ARHGEF37: variants seen among roughly 807,000 people sequenced by gnomAD.
The protein encoded by ARHGEF37 is Rho guanine nucleotide exchange factor 37.
In ARHGEF37, 55 loss-of-function variants were observed where a neutral mutation model predicts 71.1. The observed-to-expected ratio is 0.77, with a 90% confidence interval of 0.62 to 0.97. The LOEUF is 0.97. Among genes scored for constraint, ARHGEF37 ranks in the 50% least tolerant of loss-of-function variants. The pLI, the probability that ARHGEF37 is intolerant of heterozygous loss-of-function variation, is 0.00. For missense variants in ARHGEF37, 765 were observed against 836.8 expected (o/e 0.91, Z 1.06); for synonymous variants, 327 against 350.6 (o/e 0.93, Z 0.75).
chr5:149,619,836 G>A (rs1233178103), intron 7 of ARHGEF37, among the ~76,000 whole-genome samples: 1 of 152,172 alleles, frequency 6.6e-6, no homozygotes, highest in Non-Finnish European at 1.5e-5. Flanking sequence ...TTGGAAGGCC[G>A]AGGCGGGAAG....
chr5:149,601,121 A>T lies in ARHGEF37; in HGVS notation c.200A>T (p.Asp67Val). 1 of 1,611,516 alleles carries T rather than the reference A, an allele frequency of 6.2e-7. No individual in the cohort carries two copies. The highest frequency in any genetic ancestry group is 8.5e-7 in the Non-Finnish European group (1 of 1,177,946). ...TGTTCCTTCCAGTTGCCGCAGGGAG[A>T]TCTGGATGTCCTGTTCTCAAACATT... ...RSRLQQLPQG[D>V]LDVLFSNIDD... Residue 67 changes from aspartate (D) to valine (V), a missense_variant, in exon 3 of 13, where the codon GAT becomes GTT. Physicochemically the swap from Asp to Val is radical, Grantham distance 152 (BLOSUM62 -3). Coordinates refer to ENST00000333677, the MANE Select transcript of ARHGEF37 (RefSeq NM_001001669.3).
chr5:149,621,174 T>G (rs1752528068), intron 8 of ARHGEF37, among the ~76,000 whole-genome samples: 1 of 151,660 alleles, frequency 6.6e-6, no homozygotes, highest in Non-Finnish European at 1.5e-5. Context: ...TACAAAATCT[T>G]TTCTAAGGCT....
At chr5:149,612,458 C>A (rs569292862) in intron 4 of ARHGEF37, among the ~76,000 whole-genome samples, 1 of 152,190 alleles carries the variant, frequency 6.6e-6, no homozygotes, top group African/African-American at 2.4e-5. Context: ...TGAGCCATGG[C>A]GCCTGGCCTA....
In ARHGEF37 at chr5:149,597,350, C is replaced by T. The variant is rs190653260; in HGVS notation, c.-11-409C>T. Among the ~76,000 whole-genome samples, 367 of 152,174 alleles carry T rather than the reference C, an allele frequency of 2.4e-3. 1 individual carries two copies. Among genetic ancestry groups the T allele is most frequent in the African/African-American group, 8.2e-3 (341 of 41,514 alleles). On this transcript the variant is annotated intron_variant, in intron 1 of 12. Transcript: ENST00000333677. Reference sequence around the variant, plus strand: ...TTGGCTCACTGCAACCTCTGCCTCCCGGGTTCAAGTGATTCTTCTGCCTCA... The same window carrying T: ...TTGGCTCACTGCAACCTCTGCCTCCTGGGTTCAAGTGATTCTTCTGCCTCA...
chr5:149,557,541 G>A lies in ARHGEF37; in HGVS notation c.-12+5418G>A, dbSNP rs185896878. 2.0e-3 allele frequency among the ~76,000 whole-genome samples: 301 copies of A among 152,132 alleles called. 1 individual carries two copies. Among genetic ancestry groups the A allele is most frequent in the African/African-American group, 6.9e-3 (286 of 41,510 alleles). On this transcript the variant is annotated intron_variant, in intron 1 of 2. Coordinates refer to the ARHGEF37 transcript ENST00000505810. The stretch of plus-strand genomic sequence containing the variant: ...GTTGCCCATGCTGGAGTGCAGTAGT[G>A]TGATCATGGCTCACTGCAGCGTTAA...
intron 12 of ARHGEF37, among the ~76,000 whole-genome samples, chr5:149,631,040 A>G (rs768232033): frequency 1.2e-4 from 18 of 152,186 alleles, no homozygotes; most frequent in Admixed American, 1.0e-3. Flanking sequence ...TGCAGGTGGT[A>G]AAACAGGCTC....
At chr5:149,591,002 A>G (rs1763389325) in intron 1 of ARHGEF37, among the ~76,000 whole-genome samples, 1 of 152,242 alleles carries the variant, frequency 6.6e-6, no homozygotes, top group African/African-American at 2.4e-5. Flanking sequence ...GTTGTGCTAT[A>G]TTTAAATAAG....
intron 2 of ARHGEF37, among the ~76,000 whole-genome samples, chr5:149,598,799 GAT>G (rs1272174431): frequency 1.8e-4 from 25 of 135,290 alleles, no homozygotes; most frequent in South Asian, 1.4e-3. Flanking sequence ...TAGATATATA[GAT>G]ATATATATGT....
chr5:149,560,705 G>C (rs897538760), intron 1 of ARHGEF37, among the ~76,000 whole-genome samples: 3 of 151,780 alleles, frequency 2.0e-5, no homozygotes, highest in African/African-American at 7.3e-5. Context: ...CAGATGACTT[G>C]AGCTTAGGAG....
At chr5:149,628,668 T>G in intron 11 of ARHGEF37, 141 bp from the exon 12 acceptor site, 1 of 1,128,872 alleles carries the variant, frequency 8.9e-7, no homozygotes, top group Non-Finnish European at 1.2e-6. Flanking sequence ...GGCAGGGGGG[T>G]TCAGGGTTCC....
At chr5:149,556,158 C>T (rs1438088241) in intron 1 of ARHGEF37, among the ~76,000 whole-genome samples, 1 of 151,988 alleles carries the variant, frequency 6.6e-6, no homozygotes, top group Non-Finnish European at 1.5e-5. Context: ...AAATGGAATG[C>T]CTTAGAAACG....
chr5:149,618,161 T>A lies in ARHGEF37; in HGVS notation c.659-15T>A. The A allele has an allele frequency of 6.2e-7, 1 of 1,613,874 alleles. No individual in the cohort carries two copies. The highest frequency in any genetic ancestry group is 8.5e-7 in the Non-Finnish European group (1 of 1,179,880). ...GGCTTGATCACCGTGCTTCCCCTCT[T>A]CTCTGTCGTTGCAGCCTCCAAGTAC... On this transcript the variant is annotated splice_polypyrimidine_tract_variant and intron_variant, in intron 5 of 12. Transcript: ENST00000333677.
chr5:149,615,378 T>A (rs982440956), intron 4 of ARHGEF37, among the ~76,000 whole-genome samples: 2 of 151,640 alleles, frequency 1.3e-5, no homozygotes, highest in Admixed American at 1.3e-4. Flanking sequence ...CCTCAAGCAA[T>A]CATTTTTTTT....
At chr5:149,602,041 T>C (rs1019238338) in intron 3 of ARHGEF37, among the ~76,000 whole-genome samples, 4 of 149,094 alleles carry the variant, frequency 2.7e-5, no homozygotes, top group Admixed American at 7.0e-5. Context: ...CGGTTTGATT[T>C]ATGTTTTTCT....
At chr5:149,578,843 TG>T (rs1478487609), upstream of ARHGEF37, among the ~76,000 whole-genome samples, 2 of 152,144 alleles carry the variant, frequency 1.3e-5, no homozygotes, top group African/African-American at 2.4e-5. Flanking sequence ...GAGAAAATAA[TG>T]CCCCTTCTAA....
chr5:149,558,167 C>T (rs1469022100), intron 1 of ARHGEF37, among the ~76,000 whole-genome samples: 4 of 152,108 alleles, frequency 2.6e-5, no homozygotes, highest in East Asian at 1.9e-4. Flanking sequence ...CCACTGTGCT[C>T]GGCCCTTTTT....
At chr5:149,579,797 G>C (rs1472686973), upstream of ARHGEF37, among the ~76,000 whole-genome samples, 1 of 151,790 alleles carries the variant, frequency 6.6e-6, no homozygotes, top group Non-Finnish European at 1.5e-5. Flanking sequence ...GGCCAGGCTG[G>C]CCTCGAACTC....
chr5:149,632,162 G>C lies in ARHGEF37; in HGVS notation c.1999G>C (p.Val667Leu), dbSNP rs1752904076. The change falls in exon 13 of 13, where the codon GTT (valine) becomes CTT (leucine). Residue 667 changes from valine to leucine, a missense_variant. Transcript: ENST00000333677. ...CTTCTTGGCCAGGGCTCGGAGCCCA[G>C]TTCTGTGGGGCTGGAGTCTGCCCTC... Reference protein sequence around the residue: ...SGFLARARSPVLWGWSLPS With the variant: ...SGFLARARSPLLWGWSLPS 1.2e-6 allele frequency: 2 copies of C among 1,614,262 alleles called. No homozygotes were observed. The highest frequency in any genetic ancestry group is 1.7e-6 in the Non-Finnish European group (2 of 1,180,050).
In ARHGEF37 at chr5:149,627,080, T is replaced by C. The variant is rs1288527445; in HGVS notation, c.1469T>C (p.Leu490Pro). Reference protein sequence around the residue: ...KVQPPPTTQPLLPGSERQVQA... With the variant: ...KVQPPPTTQPPLPGSERQVQA... ...TCTGTGCTCCTCCTCTCCCAGCCGC[T>C]CCTTCCAGGGTCTGAACGCCAGGTG... The change falls in exon 11 of 13, where the codon CTC becomes CCC. Residue 490 changes from leucine (L) to proline (P), a missense_variant. Physicochemically the swap from Leu to Pro is moderately conservative, Grantham distance 98. Around this residue, in one of 5 missense-constraint regions of ARHGEF37, gnomAD observed 390 missense variants for 407.4 expected, o/e 0.96. Coordinates refer to ENST00000333677, the MANE Select transcript of ARHGEF37 (RefSeq NM_001001669.3). 2 of 1,610,330 alleles carry C rather than the reference T, an allele frequency of 1.2e-6. No homozygotes were observed. Among genetic ancestry groups the C allele is most frequent in the Admixed American group, 1.7e-5 (1 of 59,490 alleles).
Sources: gnomAD v4.1 joint callset for allele counts (sites outside exome capture counted in the v4.1 genomes callset) on GRCh38, gnomAD v4.1.1 for gene constraint, gnomAD v4.1.1 regional missense constraint, MANE v1.5 for transcripts, NCBI Gene and HGNC (gene_info 2026-07-23, HGNC 2026-07-21) for gene names.